Variants in CCDC6 observed in about 807,000 individuals in gnomAD.
CCDC6 encodes the protein coiled-coil domain containing 6.
Under a neutral mutation model 56.6 loss-of-function variants are expected in CCDC6, and 20 were observed. That is an observed-to-expected ratio of 0.35 (90% CI 0.25 to 0.51). The LOEUF is 0.51. Ranked by LOEUF, CCDC6 falls within the 20% of genes least tolerant of loss-of-function variation. The pLI is 0.95. For missense variants in CCDC6, 367 were observed against 601.1 expected, an observed-to-expected ratio of 0.61 and a Z score of 4.07; for synonymous variants, 241 against 234.4, an observed-to-expected ratio of 1.03 and a Z score of -0.26.
At chr10:59,793,774 G>GGA in intron 8 of CCDC6, among the ~76,000 whole-genome samples, 1 of 144,010 alleles carries the variant, frequency 6.9e-6, no homozygotes, top group East Asian at 2.0e-4. Flanking sequence ...ACAGAGTGAG[G>GGA]AAAAAAAAAA....
intron 3 of CCDC6, among the ~76,000 whole-genome samples, chr10:59,819,730 T>A (rs1440479850): frequency 6.6e-6 from 1 of 152,148 alleles, no homozygotes; most frequent in Non-Finnish European, 1.5e-5. Context: ...CTTCCTAGTA[T>A]CATCTGATCA....
chr10:59,797,052 C>T (rs2070527162), intron 7 of CCDC6, among the ~76,000 whole-genome samples: 1 of 151,400 alleles, frequency 6.6e-6, no homozygotes. Flanking sequence ...TATATATAGA[C>T]ATATAAAGGA....
rs192109536 is a variant in CCDC6, at chr10:59,795,368, C to T, written c.1106-771G>A. Among the ~76,000 whole-genome samples the T allele has an allele frequency of 8.1e-4, 123 of 152,162 alleles. 1 individual carries two copies. Among genetic ancestry groups the T allele is most frequent in the Non-Finnish European group, 3.4e-4 (23 of 67,982 alleles). ...ATGTGCTAATAGATATATGAAAAGA[C>T]GATTATCACCACTAACCATCAGGGA... On this transcript the variant is annotated intron_variant, in intron 7 of 8. Coordinates refer to ENST00000263102, the MANE Select transcript of CCDC6 (RefSeq NM_005436.5).
intron 3 of CCDC6, among the ~76,000 whole-genome samples, chr10:59,818,791 G>A (rs1327879252): frequency 1.3e-5 from 2 of 152,046 alleles, no homozygotes; most frequent in East Asian, 3.9e-4. Flanking sequence ...AAATGAATGA[G>A]TACAAATTAT....
chr10:59,804,290 T>C (rs1031225380), intron 7 of CCDC6, 130 bp downstream of exon 7: 3 of 622,338 alleles, frequency 4.8e-6, no homozygotes, highest in South Asian at 2.1e-5. Context: ...GAGTTTTTGA[T>C]GTTTTTGAAA....
At chr10:59,845,766 G>A (rs1307701484) in intron 2 of CCDC6, among the ~76,000 whole-genome samples, 5 of 152,156 alleles carry the variant, frequency 3.3e-5, no homozygotes, top group Non-Finnish European at 7.3e-5. Flanking sequence ...TCAGTATTAA[G>A]GGCCCTGAAA....
At chr10:59,828,888 G>GA (rs1163839870) in intron 3 of CCDC6, among the ~76,000 whole-genome samples, 1 of 152,112 alleles carries the variant, frequency 6.6e-6, no homozygotes, top group Non-Finnish European at 1.5e-5. Flanking sequence ...AGCGTCTGGG[G>GA]AAAAAGGTAG....
chr10:59,807,639 A>G (rs2070637678), intron 5 of CCDC6, among the ~76,000 whole-genome samples: 1 of 152,198 alleles, frequency 6.6e-6, no homozygotes. Flanking sequence ...AGGCATCGTC[A>G]CTCCCACTCA....
intron 2 of CCDC6, among the ~76,000 whole-genome samples, chr10:59,834,376 TACAA>T (rs1008473214): frequency 1.3e-5 from 2 of 150,504 alleles, no homozygotes; most frequent in Non-Finnish European, 2.9e-5. Flanking sequence ...CTACTAAAAA[TACAA>T]ACAAACAAAC....
At chr10:59,835,460 C>T (rs2070874198) in intron 2 of CCDC6, among the ~76,000 whole-genome samples, 1 of 152,184 alleles carries the variant, frequency 6.6e-6, no homozygotes, top group Non-Finnish European at 1.5e-5. Flanking sequence ...GAGGCATTTT[C>T]CTCTCAAGAG....
Position 59,806,939 on chromosome 10 carries a change from T to G in CCDC6, c.987A>C (p.Leu329Phe). ...CRQLSESESS[L>F]EMDDERYFNE... Reference sequence around the variant, plus strand: ...GCACACACCTTTCGTCGTCCATTTCTAAGCTGGACTCACTCTCGGAGAGCT... The same window carrying G: ...GCACACACCTTTCGTCGTCCATTTCGAAGCTGGACTCACTCTCGGAGAGCT... Residue 329 changes from leucine to phenylalanine, a missense_variant, in exon 6 of 9, where the codon TTA becomes TTC. This residue lies in a region of CCDC6 where 81 missense variants were observed against 150.8 expected (regional missense o/e 0.54). Coordinates refer to ENST00000263102, the MANE Select transcript of CCDC6 (RefSeq NM_005436.5). 3.1e-6 allele frequency: 5 copies of G among 1,613,978 alleles called. No homozygotes were observed. Among genetic ancestry groups the G allele is most frequent in the Non-Finnish European group, 4.2e-6 (5 of 1,179,932 alleles).
intron 7 of CCDC6, among the ~76,000 whole-genome samples, chr10:59,803,684 C>T (rs2070595427): frequency 6.6e-6 from 1 of 152,196 alleles, no homozygotes; most frequent in African/African-American, 2.4e-5. Flanking sequence ...CCATGCCATG[C>T]TGGTATTGAG....
In CCDC6 at chr10:59,807,129, A is replaced by C. The variant is rs771482605; in HGVS notation, c.848-51T>G. ...ACCATGTTTCATGCAATCATATCCA[A>C]ATCTAAAAAAAAGGAGACTTCAGTT... is the stretch of plus-strand genomic sequence containing the variant. On this transcript the variant is annotated intron_variant, in intron 5 of 8. Coordinates refer to ENST00000263102, the MANE Select transcript of CCDC6 (RefSeq NM_005436.5). 3.2e-6 allele frequency: 5 copies of C among 1,555,098 alleles called. No individual in the cohort carries two copies. In the African/African-American group the frequency reaches 6.8e-5, roughly 21 times the overall value.
chr10:59,828,456 T>C (rs1379184066), intron 3 of CCDC6, among the ~76,000 whole-genome samples: 2 of 152,168 alleles, frequency 1.3e-5, no homozygotes. Context: ...GTAACTAAAA[T>C]AAATGATTAA....
intron 3 of CCDC6, among the ~76,000 whole-genome samples, chr10:59,826,671 ACAG>A (rs1489235854): frequency 1.2e-4 from 18 of 152,260 alleles, no homozygotes; most frequent in African/African-American, 4.1e-4. Flanking sequence ...AAGGGCATCA[ACAG>A]CAGCATGGGC....
intron 1 of CCDC6, among the ~76,000 whole-genome samples, chr10:59,867,116 A>G (rs1202898438): frequency 7.2e-5 from 11 of 152,180 alleles, no homozygotes; most frequent in Non-Finnish European, 8.8e-5. Flanking sequence ...GCAACAACTT[A>G]AGCATATCCC....
intron 1 of CCDC6, among the ~76,000 whole-genome samples, chr10:59,876,203 C>T (rs770546981): frequency 1.3e-5 from 2 of 151,500 alleles, no homozygotes; most frequent in Non-Finnish European, 2.9e-5. Flanking sequence ...CATGCACTAC[C>T]ATGCCCGGCT....
At chr10:59,866,413 A>C (rs1194313337) in intron 1 of CCDC6, among the ~76,000 whole-genome samples, 1 of 152,236 alleles carries the variant, frequency 6.6e-6, no homozygotes, top group Non-Finnish European at 1.5e-5. Flanking sequence ...AAGGTCTGGC[A>C]CATAAGCATC....
chr10:59,791,760 A>C lies in CCDC6; in HGVS notation c.*1157T>G, dbSNP rs1283468657. 2 of 214,088 alleles carry C rather than the reference A, an allele frequency of 9.3e-6. No homozygotes were observed. Among genetic ancestry groups the C allele is most frequent in the Non-Finnish European group, 1.9e-5 (2 of 105,704 alleles). 13.3% of individuals were successfully genotyped at this position (214,088 alleles called of 1,614,324 possible). ...AAGAGTGACTCAGTGTTCCACTGCAAAGTGAAACCAAATGATTTATTTGTG... is the reference window on the plus strand; with the variant it reads ...AAGAGTGACTCAGTGTTCCACTGCACAGTGAAACCAAATGATTTATTTGTG... On this transcript the variant is annotated 3_prime_UTR_variant, in exon 9 of 9. Transcript: ENST00000263102.
Sources: gnomAD v4.1 joint callset for allele counts (sites outside exome capture counted in the v4.1 genomes callset) on GRCh38, gnomAD v4.1.1 for gene constraint, gnomAD v4.1.1 regional missense constraint, MANE v1.5 for transcripts, NCBI Gene and HGNC (gene_info 2026-07-23, HGNC 2026-07-21) for gene names.